Variants in RFX3 observed in about 807,000 individuals in gnomAD.
RFX3 encodes the protein transcription factor RFX3.
Under a neutral mutation model 98.6 loss-of-function variants are expected in RFX3, and 14 were observed. The ratio of observed to expected loss-of-function variants is 0.14; its 90% CI spans 0.09 to 0.22. The LOEUF (loss-of-function observed/expected upper bound fraction) is 0.22, where lower values mean the gene tolerates loss of function less well. RFX3 is among the 10% of genes least tolerant of loss of function. The probability of loss-of-function intolerance (pLI) is 1.00; values close to 1 mark genes in which losing one functional copy is unlikely to be tolerated. For synonymous variants in RFX3, 383 were observed against 328.4 expected (o/e 1.17, Z -1.80); for missense variants, 639 against 926.9 (o/e 0.69, Z 4.03).
chr9:3,390,915 G>T (rs1840248497), intron 2 of RFX3, among the ~76,000 whole-genome samples: 1 of 151,998 alleles, frequency 6.6e-6, no homozygotes, highest in Admixed American at 6.6e-5. Flanking sequence ...TATTAGGTTG[G>T]TGCAAAAATT....
intron 1 of RFX3, among the ~76,000 whole-genome samples, chr9:3,462,636 C>T (rs1032737851): frequency 6.6e-5 from 10 of 151,986 alleles, no homozygotes; most frequent in African/African-American, 2.4e-4. Context: ...CTATGCAGAA[C>T]ATTTTTAAGA....
intron 11 of RFX3, among the ~76,000 whole-genome samples, chr9:3,268,761 G>A (rs1488224106): frequency 6.6e-6 from 1 of 151,934 alleles, no homozygotes; most frequent in Non-Finnish European, 1.5e-5. Flanking sequence ...ATTTAAAACA[G>A]AGAACTGTTA....
intron 2 of RFX3, among the ~76,000 whole-genome samples, chr9:3,356,924 C>T (rs1835837120): frequency 2.7e-5 from 4 of 149,124 alleles, no homozygotes; most frequent in Admixed American, 1.3e-4. Flanking sequence ...CAAAACTCAA[C>T]GTCCATTCAT....
At chr9:3,344,832 T>G (rs1468312095) in intron 3 of RFX3, 1 of 715,022 alleles carries the variant, frequency 1.4e-6, no homozygotes, top group East Asian at 2.7e-5. Context: ...CAACAGTAGT[T>G]TAAGTTTATG....
intron 6 of RFX3, among the ~76,000 whole-genome samples, chr9:3,289,393 G>T (rs754041488): frequency 6.6e-6 from 1 of 151,912 alleles, no homozygotes; most frequent in Non-Finnish European, 1.5e-5. Context: ...GAAACTTAAC[G>T]CCCGTAAAGA....
chr9:3,514,430 T>A (rs1306768656), intron 1 of RFX3, among the ~76,000 whole-genome samples: 1 of 152,018 alleles, frequency 6.6e-6, no homozygotes, highest in Non-Finnish European at 1.5e-5. Flanking sequence ...GTAATTTTTT[T>A]AACCAAGTTG....
intron 1 of RFX3, among the ~76,000 whole-genome samples, chr9:3,514,115 G>T (rs1450708483): frequency 6.6e-6 from 1 of 152,132 alleles, no homozygotes; most frequent in Non-Finnish European, 1.5e-5. Context: ...CATACAATGT[G>T]AGACACTATT....
intron 1 of RFX3, among the ~76,000 whole-genome samples, chr9:3,519,885 T>C (rs917054651): frequency 2.6e-5 from 4 of 151,694 alleles, no homozygotes; most frequent in African/African-American, 9.7e-5. Flanking sequence ...TGCTATAAAG[T>C]ATACTTTCAA....
intron 15 of RFX3, among the ~76,000 whole-genome samples, chr9:3,241,658 C>T (rs529537551): frequency 6.6e-6 from 1 of 152,086 alleles, no homozygotes; most frequent in East Asian, 1.9e-4. Flanking sequence ...AGAAATTGTG[C>T]TAATGTAGAT....
intron 1 of RFX3, among the ~76,000 whole-genome samples, chr9:3,408,033 G>C (rs1842113109): frequency 6.6e-6 from 1 of 152,072 alleles, no homozygotes; most frequent in Non-Finnish European, 1.5e-5. Flanking sequence ...ACTTCTAAAG[G>C]AGTAGGAATG....
At position 3,437,934 on chromosome 9, in the gene RFX3, G is replaced by A. The variant is rs560113985; in HGVS notation, c.-8-42338C>T. Reference sequence around the variant, plus strand: ...TTCTATATGGGAAAGAATGGGTAGAGAGACAGAGATGAAAAAAACTAATGA... The same window carrying A: ...TTCTATATGGGAAAGAATGGGTAGAAAGACAGAGATGAAAAAAACTAATGA... On this transcript the variant is annotated intron_variant, in intron 1 of 16. Coordinates refer to ENST00000617270, the MANE Select transcript of RFX3 (RefSeq NM_001282116.2). Among the ~76,000 whole-genome samples the A allele has an allele frequency of 2.0e-5, 3 of 152,110 alleles. No homozygotes were observed. In the East Asian group the frequency reaches 5.8e-4, roughly 29 times the overall value.
At chr9:3,231,987 C>T (rs1324480828) in intron 15 of RFX3, among the ~76,000 whole-genome samples, 1 of 151,878 alleles carries the variant, frequency 6.6e-6, no homozygotes, top group East Asian at 1.9e-4. Context: ...GGGCTGAGAT[C>T]GTGCCACTGC....
At chr9:3,355,381 G>A (rs892461487) in intron 2 of RFX3, among the ~76,000 whole-genome samples, 8 of 151,638 alleles carry the variant, frequency 5.3e-5, no homozygotes, top group African/African-American at 1.7e-4. Context: ...TCTTGCAAAT[G>A]CCAATTATAA....
chr9:3,352,962 G>A (rs1309862674), intron 2 of RFX3, among the ~76,000 whole-genome samples: 1 of 151,830 alleles, frequency 6.6e-6, no homozygotes, highest in Non-Finnish European at 1.5e-5. Flanking sequence ...GTCCAACAAT[G>A]ATAGACTGGA....
chr9:3,430,339 T>C (rs939255504), intron 1 of RFX3, among the ~76,000 whole-genome samples: 5 of 152,190 alleles, frequency 3.3e-5, no homozygotes, highest in African/African-American at 9.7e-5. Context: ...TTAGAAAGCA[T>C]AGATCCCAGT....
In RFX3 at chr9:3,291,082, G is replaced by A. The variant is rs560117980; in HGVS notation, c.731+1995C>T. 3.3e-4 allele frequency among the ~76,000 whole-genome samples: 51 copies of A among 152,292 alleles called. 2 individuals carry two copies. The South Asian group carries it at 0.011, about 32-fold the overall frequency. ...AAAATCTGAACAAACAGGCCTTGCTGGGCTGGGTGCGGTGGCTCACGCCTA... is the reference window on the plus strand; with the variant it reads ...AAAATCTGAACAAACAGGCCTTGCTAGGCTGGGTGCGGTGGCTCACGCCTA... On this transcript the variant is annotated intron_variant, in intron 6 of 16. Coordinates refer to ENST00000617270, the MANE Select transcript of RFX3 (RefSeq NM_001282116.2).
At chr9:3,407,041 T>C (rs1842034505) in intron 1 of RFX3, among the ~76,000 whole-genome samples, 1 of 152,240 alleles carries the variant, frequency 6.6e-6, no homozygotes, top group Non-Finnish European at 1.5e-5. Flanking sequence ...TCATGTCATC[T>C]TAGAATAAGT....
At chr9:3,291,626 T>C (rs1366466977) in intron 6 of RFX3, among the ~76,000 whole-genome samples, 1 of 152,126 alleles carries the variant, frequency 6.6e-6, no homozygotes, top group Non-Finnish European at 1.5e-5. Context: ...AAAACTTATA[T>C]TAAACAAATT....
intron 2 of RFX3, among the ~76,000 whole-genome samples, chr9:3,356,009 C>A (rs1215872688): frequency 2.0e-5 from 3 of 151,644 alleles, no homozygotes; most frequent in African/African-American, 7.3e-5. Flanking sequence ...GAAAATATAT[C>A]ATAATTTTCA....
Sources: allele counts gnomAD v4.1 joint callset (sites outside exome capture counted in the v4.1 genomes callset), GRCh38; gene constraint gnomAD v4.1.1; transcripts MANE v1.5; gene names NCBI Gene and HGNC (gene_info 2026-07-23, HGNC 2026-07-21).